UTY: variants seen among roughly 807,000 people sequenced by gnomAD.
UTY encodes histone demethylase UTY.
In UTY, 12 loss-of-function variants were observed where a neutral mutation model predicts 32.5. The ratio of observed to expected loss-of-function variants is 0.37; its 90% CI spans 0.24 to 0.60. UTY has a LOEUF of 0.60. UTY is among the 20% of genes least tolerant of loss of function. The pLI is 0.69. For missense variants in UTY, 303 were observed against 299.2 expected, an observed-to-expected ratio of 1.01 and a Z score of -0.09; for synonymous variants, 131 against 103.4, an observed-to-expected ratio of 1.27 and a Z score of -1.62.
At chrY:13,347,414 G>A (rs1018131138) in intron 17 of UTY, among the ~76,000 whole-genome samples, 2 of 32,962 alleles carry the variant, frequency 6.1e-5, no homozygotes, top group Admixed American at 2.8e-4. Flanking sequence ...CGTAGTTCTC[G>A]CTTTTTAGAT....
At chrY:13,310,904 C>T (rs892741930) in intron 21 of UTY, among the ~76,000 whole-genome samples, 1 of 32,102 alleles carries the variant, frequency 3.1e-5, no homozygotes, top group Non-Finnish European at 7.6e-5. Flanking sequence ...CTGGCTAACA[C>T]GGTGAAATCC....
chrY:13,417,617 T>G (rs2071870461), intron 4 of UTY, among the ~76,000 whole-genome samples: 1 of 33,135 alleles, frequency 3.0e-5, no homozygotes, highest in African/African-American at 1.2e-4. Context: ...AAGTGTCATT[T>G]TATTACCCTT....
chrY:13,275,313 T>C (rs777134052), intron 27 of UTY, among the ~76,000 whole-genome samples: 13 of 33,829 alleles, frequency 3.8e-4, no homozygotes, highest in Non-Finnish European at 8.1e-4. Context: ...AATCTACTAA[T>C]GTAGTACTTA....
chrY:13,361,246 A>G, intron 10 of UTY, among the ~76,000 whole-genome samples: 1 of 33,669 alleles, frequency 3.0e-5, no homozygotes, highest in Non-Finnish European at 7.4e-5. Context: ...TGGGAACCAC[A>G]GATTAAAACA....
At chrY:13,347,517 C>A (rs966060269) in intron 17 of UTY, among the ~76,000 whole-genome samples, 1 of 31,745 alleles carries the variant, frequency 3.2e-5, no homozygotes. Context: ...GTCAGGAGAT[C>A]GAGACCATCC....
At chrY:13,383,299 A>C in intron 8 of UTY, among the ~76,000 whole-genome samples, 1 of 30,569 alleles carries the variant, frequency 3.3e-5, no homozygotes, top group South Asian at 7.5e-4. Flanking sequence ...AAAAAAAAAA[A>C]AACAACCAAA....
chrY:13,295,898 C>T, intron 27 of UTY, among the ~76,000 whole-genome samples: 1 of 34,240 alleles, frequency 2.9e-5, no homozygotes, highest in Admixed American at 2.6e-4. Context: ...TTGCTGCGCA[C>T]AGGCCATATG....
At chrY:13,454,604 C>T (rs2076614134) in intron 3 of UTY, among the ~76,000 whole-genome samples, 1 of 31,801 alleles carries the variant, frequency 3.1e-5, no homozygotes, top group Non-Finnish European at 7.6e-5. Flanking sequence ...ACTAAAATAA[C>T]ATTTCAATGA....
At chrY:13,368,127 G>T in intron 9 of UTY, among the ~76,000 whole-genome samples, 1 of 24,392 alleles carries the variant, frequency 4.1e-5, no homozygotes. Flanking sequence ...GTGCGGTGGC[G>T]CGATTTCGGC....
chrY:13,434,515 T>C (rs780913803), intron 4 of UTY, among the ~76,000 whole-genome samples: 1 of 33,665 alleles, frequency 3.0e-5, no homozygotes, highest in South Asian at 6.4e-4. Flanking sequence ...TAAAACATGA[T>C]CCAACTAACT....
chrY:13,233,940 G>C, downstream of UTY, among the ~76,000 whole-genome samples: 2 of 34,377 alleles, frequency 5.8e-5, no homozygotes, highest in African/African-American at 2.3e-4. Context: ...AGCTGAACAT[G>C]AAAGAGAAAA....
At chrY:13,356,935 A>G (rs2062994273) in intron 15 of UTY, among the ~76,000 whole-genome samples, 1 of 32,775 alleles carries the variant, frequency 3.1e-5, no homozygotes, top group East Asian at 7.8e-4. Flanking sequence ...AGCTTAAAAC[A>G]CTTAATAATA....
At chrY:13,290,908 G>A in intron 27 of UTY, among the ~76,000 whole-genome samples, 1 of 28,962 alleles carries the variant, frequency 3.5e-5, no homozygotes, top group Non-Finnish European at 8.2e-5. Context: ...TTGAGACGGA[G>A]TCTCACTCTG....
At chrY:13,463,108 C>T in intron 3 of UTY, among the ~76,000 whole-genome samples, 1 of 28,304 alleles carries the variant, frequency 3.5e-5, no homozygotes, top group East Asian at 9.1e-4. Flanking sequence ...TGAGTGAGAA[C>T]GCCCAGTGTT....
chrY:13,323,311 G>A (rs1603396576), intron 21 of UTY: 7 of 94,088 alleles, frequency 7.4e-5, no homozygotes, highest in African/African-American at 7.3e-4. Context: ...TGGGAGAATC[G>A]CTTGAACCCA....
chrY:13,282,809 C>A, intron 27 of UTY, among the ~76,000 whole-genome samples: 1 of 34,362 alleles, frequency 2.9e-5, no homozygotes, highest in Non-Finnish European at 7.3e-5. Flanking sequence ...AACATGATAA[C>A]TGACAGACGG....
chrY:13,288,410 C>G, intron 27 of UTY, among the ~76,000 whole-genome samples: 1 of 28,249 alleles, frequency 3.5e-5, no homozygotes, highest in African/African-American at 1.4e-4. Context: ...TCCACCGGGA[C>G]TGGACGGCCC....
chrY:13,375,217 GTA>G (rs2065308764), intron 8 of UTY, among the ~76,000 whole-genome samples: 50 of 33,997 alleles, frequency 1.5e-3, no homozygotes, highest in Admixed American at 3.5e-3. Context: ...CCAAAGATCA[GTA>G]GATTTCTCCC....
chrY:13,379,303 A>G (rs1024841321), intron 8 of UTY, among the ~76,000 whole-genome samples: 3 of 33,746 alleles, frequency 8.9e-5, no homozygotes, highest in Non-Finnish European at 2.2e-4. Context: ...ATGAACATGT[A>G]AAAAAGCAAC....
Sources: allele counts gnomAD v4.1 joint callset (sites outside exome capture counted in the v4.1 genomes callset), GRCh38; gene constraint gnomAD v4.1.1; transcripts MANE v1.5; gene names NCBI Gene and HGNC (gene_info 2026-07-23, HGNC 2026-07-21).